The following CACNA2D1 variants were observed in gnomAD, a reference collection of about 807,000 sequenced individuals.
CACNA2D1 encodes voltage-dependent calcium channel subunit alpha-2/delta-1.
A neutral mutation model predicts 171.5 loss-of-function variants in CACNA2D1; 53 were observed. The observed-to-expected ratio is 0.31, with a 90% CI of 0.25 to 0.39. The LOEUF is 0.39. CACNA2D1 is among the 10% of genes least tolerant of loss of function. The probability of loss-of-function intolerance (pLI) is 1.00; values close to 1 mark genes in which losing one functional copy is unlikely to be tolerated. For missense variants in CACNA2D1, 903 were observed against 1,299.8 expected (o/e 0.69, Z 4.69); for synonymous variants, 442 against 443.1 (o/e 1.00, Z 0.03).
chr7:82,032,415 A>G (rs1011069283), intron 12 of CACNA2D1, among the ~76,000 whole-genome samples: 1 of 151,794 alleles, frequency 6.6e-6, no homozygotes, highest in African/African-American at 2.4e-5. Context: ...TTTGAGTATT[A>G]CTGCAATCTT....
intron 3 of CACNA2D1, among the ~76,000 whole-genome samples, chr7:82,181,167 T>A (rs77646228): frequency 0.024 from 3,512 of 147,926 alleles, 96 homozygotes; most frequent in Middle Eastern, 0.073. Flanking sequence ...AATGGGGTAT[T>A]ACTGGGTTTG....
At chr7:82,026,154 C>A (rs1327658609) in intron 12 of CACNA2D1, among the ~76,000 whole-genome samples, 1 of 150,630 alleles carries the variant, frequency 6.6e-6, no homozygotes, top group Non-Finnish European at 1.5e-5. Flanking sequence ...CATCCCTTCA[C>A]TTTTAGCCTA....
In CACNA2D1 at chr7:82,335,221, CA is replaced by C; in HGVS notation, c.207del (p.Val70TrpfsTer10). On this transcript the variant is annotated frameshift_variant, in exon 3 of 39. Coordinates refer to ENST00000356860, the MANE Select transcript of CACNA2D1 (RefSeq NM_000722.4). LOFTEE classifies it high-confidence loss of function. ...AGCTGGCGTGCATTATTTGGTTCCA[CA>C]GTATACAAATCTTGATATTTCTCAT... ...DIYEKYQDLYTVEPNNARQLV... is the reference protein window; with the variant it reads ...DIYEKYQDLYXVEPNNARQLV... 6.2e-7 allele frequency: 1 copy of C among 1,608,650 alleles called. No individual in the cohort carries two copies. Among genetic ancestry groups the C allele is most frequent in the Non-Finnish European group, 8.5e-7 (1 of 1,175,760 alleles).
At chr7:82,243,245 T>C (rs1804528507) in intron 3 of CACNA2D1, among the ~76,000 whole-genome samples, 1 of 152,182 alleles carries the variant, frequency 6.6e-6, no homozygotes, top group South Asian at 2.1e-4. Context: ...TGCTACTGCA[T>C]GCTCCACTAT....
intron 3 of CACNA2D1, among the ~76,000 whole-genome samples, chr7:82,312,739 G>T (rs1246117609): frequency 6.8e-6 from 1 of 147,518 alleles, no homozygotes; most frequent in East Asian, 2.0e-4. Context: ...TTGCCATGTT[G>T]GCCAGGCTGG....
intron 3 of CACNA2D1, among the ~76,000 whole-genome samples, chr7:82,306,587 G>A (rs564299072): frequency 5.3e-5 from 8 of 152,230 alleles, no homozygotes; most frequent in East Asian, 1.9e-4. Context: ...TGGAGACATC[G>A]TATGCAGAAA....
chr7:82,189,673 G>A (rs1798102066), intron 3 of CACNA2D1, among the ~76,000 whole-genome samples: 1 of 151,862 alleles, frequency 6.6e-6, no homozygotes, highest in African/African-American at 2.4e-5. Flanking sequence ...AGACTCAGAG[G>A]AGTGAATACT....
In CACNA2D1 at chr7:82,295,100, C is replaced by T. The variant is rs183629654; in HGVS notation, c.294+40035G>A. Among the ~76,000 whole-genome samples, 23 of 152,188 alleles carry T rather than the reference C, an allele frequency of 1.5e-4. No individual in the cohort carries two copies. The East Asian group carries it at 4.3e-3, about 28-fold the overall frequency. Reference sequence around the variant, plus strand: ...CTTGAGACATCGTTTTTGGAGAACACCTATATTTCCAATACTTCATTTTGC... The same window carrying T: ...CTTGAGACATCGTTTTTGGAGAACATCTATATTTCCAATACTTCATTTTGC... On this transcript the variant is annotated intron_variant, in intron 3 of 38. Coordinates refer to ENST00000356860, the MANE Select transcript of CACNA2D1 (RefSeq NM_000722.4).
intron 10 of CACNA2D1, among the ~76,000 whole-genome samples, chr7:82,038,995 T>C (rs1803639838): frequency 6.6e-6 from 1 of 152,104 alleles, no homozygotes; most frequent in South Asian, 2.1e-4. Context: ...GAAAGAACAA[T>C]AGGAATGCTG....
chr7:82,021,531 T>C (rs915871286), intron 12 of CACNA2D1, among the ~76,000 whole-genome samples: 14 of 152,224 alleles, frequency 9.2e-5, no homozygotes, highest in African/African-American at 3.4e-4. Flanking sequence ...TAGGAGCATA[T>C]TTATTGCCTA....
At chr7:82,154,258 T>A (rs1794137937) in intron 4 of CACNA2D1, among the ~76,000 whole-genome samples, 1 of 152,168 alleles carries the variant, frequency 6.6e-6, no homozygotes, top group Admixed American at 6.5e-5. Flanking sequence ...TAGTCTAATA[T>A]CACTTTTAAT....
chr7:82,391,472 G>A (rs1825113113), intron 1 of CACNA2D1, among the ~76,000 whole-genome samples: 1 of 152,180 alleles, frequency 6.6e-6, no homozygotes, highest in African/African-American at 2.4e-5. Context: ...ATTCAGATCA[G>A]TGAATTTTAA....
chr7:81,981,306 A>T (rs1324754932), intron 24 of CACNA2D1, among the ~76,000 whole-genome samples: 2 of 152,290 alleles, frequency 1.3e-5, no homozygotes, highest in African/African-American at 4.8e-5. Flanking sequence ...AAAACAGAAT[A>T]GTGTGTCATC....
chr7:82,258,509 G>GTA (rs1240879723), intron 3 of CACNA2D1, among the ~76,000 whole-genome samples: 1 of 152,084 alleles, frequency 6.6e-6, no homozygotes, highest in African/African-American at 2.4e-5. Flanking sequence ...GAGTCAGACG[G>GTA]TATATAGAAC....
chr7:82,241,887 G>C (rs17176406), intron 3 of CACNA2D1, among the ~76,000 whole-genome samples: 37,301 of 151,940 alleles, frequency 0.25, 5,128 homozygotes, highest in Non-Finnish European at 0.32. Context: ...ATTTTTCACA[G>C]TATGGTCCTA....
At chr7:82,024,238 C>T (rs754136027) in intron 12 of CACNA2D1, among the ~76,000 whole-genome samples, 8 of 151,382 alleles carry the variant, frequency 5.3e-5, no homozygotes, top group African/African-American at 1.7e-4. Flanking sequence ...TATTATTTTC[C>T]GTGGGTGCTG....
chr7:82,136,208 G>T (rs575128167), intron 5 of CACNA2D1, among the ~76,000 whole-genome samples: 2 of 152,260 alleles, frequency 1.3e-5, no homozygotes, highest in East Asian at 3.9e-4. Flanking sequence ...AGCTTCTGGG[G>T]TGTCATTCAT....
intron 7 of CACNA2D1, among the ~76,000 whole-genome samples, chr7:82,082,826 T>A (rs76244066): frequency 6.6e-6 from 1 of 151,956 alleles, no homozygotes; most frequent in Non-Finnish European, 1.5e-5. Context: ...TTTGAAAATA[T>A]ATGATTAGCA....
intron 1 of CACNA2D1, among the ~76,000 whole-genome samples, chr7:82,360,040 T>C (rs76980745): frequency 6.6e-6 from 1 of 152,312 alleles, no homozygotes; most frequent in East Asian, 1.9e-4. Context: ...AATTAGTAAG[T>C]GGCAGAGCAG....
Sources: gnomAD v4.1 joint callset for allele counts (sites outside exome capture counted in the v4.1 genomes callset) on GRCh38, gnomAD v4.1.1 for gene constraint, MANE v1.5 for transcripts, NCBI Gene and HGNC (gene_info 2026-07-23, HGNC 2026-07-21) for gene names.